The following ASTN2 variants were observed in gnomAD, a reference collection of about 807,000 sequenced individuals.
ASTN2 encodes the protein astrotactin 2.
Under a neutral mutation model 139.8 loss-of-function variants are expected in ASTN2, and 54 were observed. The observed-to-expected ratio is 0.39, with a 90% CI of 0.31 to 0.48. The LOEUF (loss-of-function observed/expected upper bound fraction) is 0.48, where lower values mean the gene tolerates loss of function less well. Among genes scored for constraint, ASTN2 ranks in the 20% least tolerant of loss-of-function variants. The probability of loss-of-function intolerance (pLI) is 0.95; values close to 1 mark genes in which losing one functional copy is unlikely to be tolerated. For missense variants in ASTN2, 1,565 were observed against 1,725.1 expected (o/e 0.91, Z 1.64); for synonymous variants, 756 against 719.5 (o/e 1.05, Z -0.81).
At chr9:116,585,515 T>C (rs1163105358) in intron 19 of ASTN2, 1 of 152,070 alleles carries the variant, frequency 6.6e-6, no homozygotes, top group Non-Finnish European at 1.5e-5. Flanking sequence ...AATAAAACCA[T>C]ACACCCAAGC....
intron 11 of ASTN2, among the ~76,000 whole-genome samples, chr9:116,854,563 G>GTGAT (rs1428180791): frequency 6.6e-6 from 1 of 152,006 alleles, no homozygotes; most frequent in African/African-American, 2.4e-5. Context: ...AGTGGGAGCA[G>GTGAT]TGATTTATGC....
chr9:117,323,125 T>C (rs1188545782), intron 1 of ASTN2, among the ~76,000 whole-genome samples: 3 of 152,150 alleles, frequency 2.0e-5, no homozygotes, highest in Non-Finnish European at 4.4e-5. Context: ...TCCCATAGTA[T>C]GTCTGGTGCA....
chr9:117,225,537 A>ATG (rs1460719604), intron 2 of ASTN2, among the ~76,000 whole-genome samples: 5,939 of 22,494 alleles, frequency 0.26, 819 homozygotes, highest in East Asian at 0.35. Flanking sequence ...AGCTGTATGT[A>ATG]TATATATATA....
chr9:116,945,777 G>A (rs1305579839), intron 10 of ASTN2, among the ~76,000 whole-genome samples: 2 of 152,110 alleles, frequency 1.3e-5, no homozygotes, highest in Non-Finnish European at 2.9e-5. Flanking sequence ...CGTGTTTTGT[G>A]TATCAAGGAG....
At chr9:116,686,821 T>C (rs1427361917) in intron 16 of ASTN2, 1 of 1,550,572 alleles carries the variant, frequency 6.4e-7, no homozygotes. Context: ...AACTTGTCTC[T>C]AGTGCAGCTC....
intron 5 of ASTN2, among the ~76,000 whole-genome samples, chr9:117,046,296 C>T (rs939539058): frequency 6.6e-6 from 1 of 152,178 alleles, no homozygotes; most frequent in Non-Finnish European, 1.5e-5. Flanking sequence ...CCACCGTGCC[C>T]GGACTGAGCT....
chr9:117,344,367 G>A (rs1282288320), intron 1 of ASTN2, among the ~76,000 whole-genome samples: 10 of 152,114 alleles, frequency 6.6e-5, no homozygotes. Flanking sequence ...GTGAAGATTT[G>A]CTCAGCCATG....
chr9:116,453,776 T>G (rs1210016709), intron 20 of ASTN2, among the ~76,000 whole-genome samples: 1 of 152,162 alleles, frequency 6.6e-6, no homozygotes, highest in African/African-American at 2.4e-5. Context: ...TGGAGGGTGT[T>G]GTTTTTCATA....
chr9:117,241,671 C>T (rs1047125270), intron 2 of ASTN2, among the ~76,000 whole-genome samples: 1 of 152,120 alleles, frequency 6.6e-6, no homozygotes, highest in South Asian at 2.1e-4. Flanking sequence ...TGCTCATTCG[C>T]CCACCAGTGG....
rs1286080575 is a variant in ASTN2 at position 117,280,296 on chromosome 9, G to T, written c.630+11030C>A. ...GTGAGGATGTTAATTTTGATGACTT[G>T]GTTAAGGTGGTGTGGTCAGTTGAAT... On this transcript the variant is annotated intron_variant, in intron 2 of 22. Transcript: ENST00000313400. 3.3e-5 allele frequency among the ~76,000 whole-genome samples: 5 copies of T among 152,124 alleles called. No homozygotes were observed. The East Asian group carries it at 9.6e-4, about 29-fold the overall frequency.
chr9:117,017,081 G>A (rs868721686), intron 6 of ASTN2, among the ~76,000 whole-genome samples: 3 of 151,798 alleles, frequency 2.0e-5, no homozygotes, highest in South Asian at 2.1e-4. Flanking sequence ...AAGTTTTGAC[G>A]TTTCAAAAAA....
chr9:117,351,575 T>C (rs960880645), intron 1 of ASTN2, among the ~76,000 whole-genome samples: 10 of 152,288 alleles, frequency 6.6e-5, no homozygotes, highest in African/African-American at 2.2e-4. Flanking sequence ...GTTTCTCCCT[T>C]CAAGTCTCTA....
chr9:116,955,018 C>T (rs1341592730), intron 10 of ASTN2, among the ~76,000 whole-genome samples: 2 of 152,202 alleles, frequency 1.3e-5, no homozygotes, highest in African/African-American at 2.4e-5. Flanking sequence ...GGCAAGACCT[C>T]GTGCCTTCCA....
intron 2 of ASTN2, among the ~76,000 whole-genome samples, chr9:117,259,147 C>G (rs568894708): frequency 6.6e-5 from 10 of 152,202 alleles, no homozygotes; most frequent in African/African-American, 2.4e-4. Context: ...AGCTCCTGAC[C>G]TCAAAAATGC....
chr9:116,853,777 C>A (rs544402322), intron 11 of ASTN2, among the ~76,000 whole-genome samples: 1 of 152,172 alleles, frequency 6.6e-6, no homozygotes, highest in African/African-American at 2.4e-5. Flanking sequence ...CACACCTTCA[C>A]CCAAATCATG....
chr9:117,291,433 C>T lies in ASTN2; in HGVS notation c.523G>A (p.Val175Ile), dbSNP rs371367035. 4.0e-5 allele frequency: 64 copies of T among 1,614,146 alleles called. No homozygotes were observed. The highest frequency in any genetic ancestry group is 2.3e-4 in the South Asian group (21 of 91,072). The change falls in exon 2 of 23, where the codon GTC becomes ATC. Residue 175 changes from valine (V) to isoleucine (I), a missense_variant. By Grantham distance (29) the Val-to-Ile change is conservative. This residue lies in a region of ASTN2 where 596 missense variants were observed against 576.8 expected (regional missense o/e 1.03). Transcript: ENST00000313400. ...AGCTGCCCGGAGCTGCTCATGGAGA[C>T]GTGGAAGTACAAGGTGCCATTCTCC... ...WLENGTLYFH[V>I]SMSSSGQLAQ...
chr9:116,718,706 G>T (rs543775522), intron 16 of ASTN2, among the ~76,000 whole-genome samples: 65 of 151,994 alleles, frequency 4.3e-4, no homozygotes, highest in African/African-American at 1.4e-3. Flanking sequence ...TAGGACATTG[G>T]TTTTTTCCTG....
intron 2 of ASTN2, among the ~76,000 whole-genome samples, chr9:117,218,526 TAA>T (rs1832407688): frequency 6.6e-6 from 1 of 152,162 alleles, no homozygotes; most frequent in Non-Finnish European, 1.5e-5. Flanking sequence ...AGGCATCATC[TAA>T]AACATGGTAG....
At chr9:116,786,925 T>C (rs964728812) in intron 13 of ASTN2, among the ~76,000 whole-genome samples, 1 of 152,146 alleles carries the variant, frequency 6.6e-6, no homozygotes, top group African/African-American at 2.4e-5. Context: ...CAGTCAGTTC[T>C]AAAGAGAGCT....
Sources: gnomAD v4.1 joint callset for allele counts (sites outside exome capture counted in the v4.1 genomes callset) on GRCh38, gnomAD v4.1.1 for gene constraint, gnomAD v4.1.1 regional missense constraint, MANE v1.5 for transcripts, NCBI Gene and HGNC (gene_info 2026-07-23, HGNC 2026-07-21) for gene names.